The following SPOCK3 variants were observed in gnomAD, a reference collection of about 807,000 sequenced individuals.
The protein encoded by SPOCK3 is SPARC (osteonectin), cwcv and kazal like domains proteoglycan 3, also known as testican-3.
A neutral mutation model predicts 56.6 loss-of-function variants in SPOCK3; 30 were observed. That is an observed-to-expected ratio of 0.53 (90% CI 0.40 to 0.72). The LOEUF (loss-of-function observed/expected upper bound fraction) is 0.72. Among genes scored for constraint, SPOCK3 ranks in the 30% least tolerant of loss-of-function variants. SPOCK3 has a pLI of 0.00. For synonymous variants in SPOCK3, 196 were observed against 183.3 expected, an observed-to-expected ratio of 1.07 and a Z score of -0.56; for missense variants, 527 against 530.0, an observed-to-expected ratio of 0.99 and a Z score of 0.06.
At chr4:166,784,767 T>C (rs1312852356) in intron 7 of SPOCK3, among the ~76,000 whole-genome samples, 1 of 152,196 alleles carries the variant, frequency 6.6e-6, no homozygotes, top group East Asian at 1.9e-4. Context: ...ACCCTGAAGG[T>C]TTACATAATT....
In SPOCK3 at chr4:166,857,571, T is replaced by A. The variant is rs115153554; in HGVS notation, c.589+31559A>T. On this transcript the variant is annotated intron_variant, in intron 6 of 10. Coordinates refer to ENST00000357545, the MANE Select transcript of SPOCK3 (RefSeq NM_001040159.2). ...ATAACTGAAGATAGGAATTTCAGAG[T>A]CATCTTCTTTCCTGCAACTGAGGTA... 6.8e-3 allele frequency among the ~76,000 whole-genome samples: 1,042 copies of A among 152,280 alleles called. 7 individuals carry two copies. The highest frequency in any genetic ancestry group is 0.011 in the Non-Finnish European group (771 of 68,004).
intron 6 of SPOCK3, among the ~76,000 whole-genome samples, chr4:166,837,732 ATTTTATT>A: frequency 6.6e-6 from 1 of 152,258 alleles, no homozygotes; most frequent in South Asian, 2.1e-4. Context: ...AGGAAAGTCA[ATTTTATT>A]GACTTTTACT....
intron 6 of SPOCK3, among the ~76,000 whole-genome samples, chr4:166,831,705 AT>A (rs367782923): frequency 0.11 from 10,280 of 95,128 alleles, 444 homozygotes; most frequent in Non-Finnish European, 0.14. Flanking sequence ...ATATGGACCT[AT>A]TTTTTTTTTT....
At chr4:166,773,779 A>C (rs2126583928) in intron 7 of SPOCK3, among the ~76,000 whole-genome samples, 1 of 152,296 alleles carries the variant, frequency 6.6e-6, no homozygotes, top group South Asian at 2.1e-4. Flanking sequence ...TTTGAACTTC[A>C]CATTACATGT....
intron 8 of SPOCK3, 56 bp from the exon 9 acceptor site, chr4:166,742,115 A>C: frequency 7.9e-7 from 1 of 1,265,954 alleles, no homozygotes; most frequent in South Asian, 1.2e-5. Context: ...AAGAAAGTGT[A>C]ATTTCTATGT....
chr4:167,165,948 ATCTT>A (rs900037718), intron 2 of SPOCK3, among the ~76,000 whole-genome samples: 10 of 152,154 alleles, frequency 6.6e-5, no homozygotes, highest in South Asian at 2.1e-4. Context: ...AAAAAAGAAA[ATCTT>A]TATTTATGAA....
chr4:166,738,990 T>C (rs1233143355), intron 9 of SPOCK3, among the ~76,000 whole-genome samples: 2 of 152,014 alleles, frequency 1.3e-5, no homozygotes, highest in African/African-American at 4.8e-5. Context: ...TACCCAGTAA[T>C]GGGATGGCTG....
chr4:167,112,037 G>A (rs1482453864), intron 2 of SPOCK3, among the ~76,000 whole-genome samples: 2 of 152,078 alleles, frequency 1.3e-5, no homozygotes, highest in African/African-American at 4.8e-5. Context: ...TGGGATTACA[G>A]GCATGAGCCA....
intron 2 of SPOCK3, among the ~76,000 whole-genome samples, chr4:167,198,368 A>G (rs763322974): frequency 2.0e-5 from 3 of 152,266 alleles, no homozygotes; most frequent in Admixed American, 1.3e-4. Context: ...TTGGTTATAG[A>G]TGTCTCAGAG....
intron 6 of SPOCK3, among the ~76,000 whole-genome samples, chr4:166,806,524 A>G (rs573283610): frequency 1.1e-4 from 16 of 152,168 alleles, no homozygotes; most frequent in African/African-American, 3.6e-4. Flanking sequence ...TGAGAAAGCT[A>G]TTTTCAAGGC....
chr4:166,833,134 C>T (rs1298871906), intron 6 of SPOCK3, among the ~76,000 whole-genome samples: 1 of 152,108 alleles, frequency 6.6e-6, no homozygotes, highest in Non-Finnish European at 1.5e-5. Flanking sequence ...CTTGTGACTA[C>T]CACTTTAATC....
chr4:167,038,089 G>C (rs1315693421), intron 3 of SPOCK3, among the ~76,000 whole-genome samples: 1 of 152,060 alleles, frequency 6.6e-6, no homozygotes, highest in African/African-American at 2.4e-5. Context: ...TGAGACCCCA[G>C]AGACAGTAGG....
chr4:167,223,024 TA>T (rs1736167235), intron 2 of SPOCK3, among the ~76,000 whole-genome samples: 2 of 122,868 alleles, frequency 1.6e-5, no homozygotes, highest in African/African-American at 3.3e-5. Flanking sequence ...TATGAATATA[TA>T]ATATATTATA....
intron 6 of SPOCK3, among the ~76,000 whole-genome samples, chr4:166,811,557 G>A (rs910538246): frequency 5.9e-5 from 9 of 151,714 alleles, no homozygotes; most frequent in Non-Finnish European, 8.8e-5. Flanking sequence ...ATTGCATCAT[G>A]ATTAGAGACC....
rs983645561 is a variant in SPOCK3, at chr4:167,206,963, A to G, written c.189+27022T>C. On this transcript the variant is annotated intron_variant, in intron 2 of 10. Transcript: ENST00000357545. ...GCTAGAAGGACATGGAATGTTCCCA[A>G]CACAAAAAAAACGATAAATGTTTGA... Among the ~76,000 whole-genome samples, 3 of 152,214 alleles carry G rather than the reference A, an allele frequency of 2.0e-5. No individual in the cohort carries two copies. In the South Asian group the frequency reaches 6.2e-4, roughly 32 times the overall value.
chr4:166,744,897 A>G (rs1735372312), intron 8 of SPOCK3, among the ~76,000 whole-genome samples: 1 of 152,176 alleles, frequency 6.6e-6, no homozygotes, highest in Non-Finnish European at 1.5e-5. Flanking sequence ...GTGATTGAAG[A>G]TCAAATGAAT....
chr4:167,157,464 CT>C (rs1322936193), intron 2 of SPOCK3, among the ~76,000 whole-genome samples: 1 of 151,640 alleles, frequency 6.6e-6, no homozygotes, highest in Non-Finnish European at 1.5e-5. Flanking sequence ...ATTTTTAAAT[CT>C]AAATAACCTT....
chr4:166,745,828 G>T (rs1735537422), intron 8 of SPOCK3, among the ~76,000 whole-genome samples: 1 of 151,974 alleles, frequency 6.6e-6, no homozygotes, highest in Admixed American at 6.6e-5. Flanking sequence ...AAAAAGCAGG[G>T]TTGCAATCCT....
chr4:167,126,087 C>T (rs17599890), intron 2 of SPOCK3, among the ~76,000 whole-genome samples: 6,130 of 152,230 alleles, frequency 0.04, 183 homozygotes, highest in Middle Eastern at 0.085. Flanking sequence ...GGTTACTATA[C>T]ACCCAGCTTA....
Sources: allele counts gnomAD v4.1 joint callset (sites outside exome capture counted in the v4.1 genomes callset), GRCh38; gene constraint gnomAD v4.1.1; transcripts MANE v1.5; gene names NCBI Gene and HGNC (gene_info 2026-07-23, HGNC 2026-07-21).